CUX1: variants seen among roughly 807,000 people sequenced by gnomAD.
CUX1 encodes protein CASP.
CUX1 carries 31 observed loss-of-function variants against 158.8 expected under a neutral mutation model. The observed-to-expected ratio is 0.20, with a 90% CI of 0.15 to 0.26. The LOEUF is 0.26. Among genes scored for constraint, CUX1 ranks in the 10% least tolerant of loss-of-function variants. CUX1 has a pLI of 1.00. For synonymous variants in CUX1, 879 were observed against 862.1 expected, an observed-to-expected ratio of 1.02 and a Z score of -0.34; for missense variants, 1,589 against 2,014.6, an observed-to-expected ratio of 0.79 and a Z score of 4.04.
chr7:102,141,002 G>A (rs1409945335), intron 8 of CUX1, among the ~76,000 whole-genome samples: 1 of 152,044 alleles, frequency 6.6e-6, no homozygotes, highest in African/African-American at 2.4e-5. Flanking sequence ...GTATTTTAGT[G>A]ATTAGACAGG....
At chr7:102,062,358 C>A (rs1392629666) in intron 3 of CUX1, among the ~76,000 whole-genome samples, 1 of 152,212 alleles carries the variant, frequency 6.6e-6, no homozygotes, top group African/African-American at 2.4e-5. Context: ...CGTGCTGGCA[C>A]TCACATGGTT....
chr7:102,161,542 G>A (rs1259730187), intron 9 of CUX1, among the ~76,000 whole-genome samples: 2 of 152,218 alleles, frequency 1.3e-5, no homozygotes, highest in African/African-American at 4.8e-5. Flanking sequence ...TTTCTAGAAT[G>A]AAGGAGGTGG....
intron 8 of CUX1, among the ~76,000 whole-genome samples, chr7:102,139,817 A>T (rs74404105): frequency 4.1e-5 from 6 of 146,956 alleles, no homozygotes; most frequent in Admixed American, 1.4e-4. Context: ...ACACCCAGCT[A>T]TTTTTTTTTT....
Position 102,248,965 on chromosome 7 carries a change from G to A in CUX1, c.4441G>A (p.Ala1481Thr). ...SRDNPLRKKK[A>T]ANLNSIIHRL... ...CGACAACCCCCTGCGCAAGAAGAAG[G>A]CCGCGAACTTGAACAGCATCATCCA... The change falls in exon 24 of 24, where the codon GCC becomes ACC. Residue 1481 changes from alanine (A) to threonine (T), a missense_variant. Transcript: ENST00000292535. The surrounding 1 kb of genome is among the most constrained non-coding windows in gnomAD (Gnocchi z 5.8). 6.8e-7 allele frequency: 1 copy of A among 1,479,972 alleles called. No homozygotes were observed. 91.7% of individuals were successfully genotyped at this position (1,479,972 alleles called of 1,614,324 possible).
intron 3 of CUX1, among the ~76,000 whole-genome samples, chr7:102,033,328 T>C (rs1444184036): frequency 6.6e-6 from 1 of 150,504 alleles, no homozygotes; most frequent in African/African-American, 2.5e-5. Context: ...CAGAATAAGT[T>C]CAAATAGAAT....
intron 4 of CUX1, among the ~76,000 whole-genome samples, chr7:102,084,858 C>CTTTTTTTTT (rs60908109): frequency 1.4e-4 from 8 of 56,048 alleles, no homozygotes; most frequent in Admixed American, 2.9e-4. Flanking sequence ...ATTTTCCTTG[C>CTTTTTTTTT]TTTTTTTTTT....
intron 2 of CUX1, among the ~76,000 whole-genome samples, chr7:101,995,256 C>T (rs1815699497): frequency 6.6e-6 from 1 of 152,202 alleles, no homozygotes; most frequent in African/African-American, 2.4e-5. Flanking sequence ...GAGTCCCATC[C>T]AGGCCGCCAT....
In CUX1 at chr7:102,249,550, C is replaced by G; in HGVS notation, c.*508C>G. On this transcript the variant is annotated 3_prime_UTR_variant, in exon 24 of 24. Coordinates refer to ENST00000292535, the MANE Select transcript of CUX1 (RefSeq NM_181552.4). ...AACTCTTACAGCTTTGCCTTGTGTCCTCCTGTTCCGTGTGGGCTTTAAAAG... is the reference window on the plus strand; with the variant it reads ...AACTCTTACAGCTTTGCCTTGTGTCGTCCTGTTCCGTGTGGGCTTTAAAAG... 3 of 985,702 alleles carry G rather than the reference C, an allele frequency of 3.0e-6. No individual in the cohort carries two copies. Among genetic ancestry groups the G allele is most frequent in the Non-Finnish European group, 3.6e-6 (3 of 829,920 alleles). 61.1% of individuals were successfully genotyped at this position (985,702 alleles called of 1,614,324 possible). A position where few individuals can be genotyped will look rare whatever the true frequency, so the allele number is the denominator to read the frequency against.
intron 2 of CUX1, among the ~76,000 whole-genome samples, chr7:101,992,235 T>A (rs1482119355): frequency 6.6e-6 from 1 of 151,982 alleles, no homozygotes; most frequent in African/African-American, 2.4e-5. Flanking sequence ...TGGGACGGGG[T>A]TGGGGGGCAA....
At chr7:101,975,466 A>C (rs1330007393) in intron 2 of CUX1, among the ~76,000 whole-genome samples, 1 of 151,736 alleles carries the variant, frequency 6.6e-6, no homozygotes, top group African/African-American at 2.4e-5. Flanking sequence ...CTGAGGTGGG[A>C]GGATCACTTG....
At chr7:102,012,829 A>G (rs950606108) in intron 2 of CUX1, among the ~76,000 whole-genome samples, 3 of 152,194 alleles carry the variant, frequency 2.0e-5, no homozygotes, top group African/African-American at 7.2e-5. Context: ...TTAGCCGGTC[A>G]TGGAATTTCC....
chr7:102,250,615 T>TTCCAAACACCAA lies in CUX1; in HGVS notation c.*1573_*1574insTCCAAACACCAA. ...GCCCAAACTCACACCAAAACGTGGA[T>TTCCAAACACCAA]GCTCTTCAACTTCCAAACCTACCAT... On this transcript the variant is annotated 3_prime_UTR_variant, in exon 24 of 24. Coordinates refer to ENST00000292535, the MANE Select transcript of CUX1 (RefSeq NM_181552.4). 1 of 985,482 alleles carries TTCCAAACACCAA rather than the reference T, an allele frequency of 1.0e-6. No homozygotes were observed. Among genetic ancestry groups the TTCCAAACACCAA allele is most frequent in the Non-Finnish European group, 1.2e-6 (1 of 829,948 alleles). The allele number at this position is 985,482 out of a possible 1,614,324, so 61.0% of individuals were successfully genotyped here.
chr7:101,860,595 C>T (rs553891372), intron 1 of CUX1, among the ~76,000 whole-genome samples: 2 of 152,196 alleles, frequency 1.3e-5, no homozygotes, highest in Admixed American at 1.3e-4. Context: ...AGCCACTGCT[C>T]TTTTGTGAGC....
At chr7:102,127,081 G>A (rs1832721243) in intron 8 of CUX1, among the ~76,000 whole-genome samples, 1 of 152,240 alleles carries the variant, frequency 6.6e-6, no homozygotes, top group Non-Finnish European at 1.5e-5. Context: ...GCAATGGGGA[G>A]CAGCTGTAAA....
intron 3 of CUX1, among the ~76,000 whole-genome samples, chr7:102,066,253 A>G (rs554387746): frequency 6.6e-6 from 1 of 151,732 alleles, no homozygotes; most frequent in Admixed American, 6.6e-5. Flanking sequence ...GTGACATCCT[A>G]CCTGTCTACA....
At chr7:101,840,041 C>T (rs1040133297) in intron 1 of CUX1, among the ~76,000 whole-genome samples, 22 of 152,230 alleles carry the variant, frequency 1.4e-4, no homozygotes, top group African/African-American at 3.6e-4. Context: ...GGATTAGAGG[C>T]GTAAGCCACC....
intron 9 of CUX1, among the ~76,000 whole-genome samples, chr7:102,165,350 C>CTT (rs533978049): frequency 6.7e-4 from 71 of 105,346 alleles, no homozygotes; most frequent in African/African-American, 9.1e-4. Context: ...TAGGGGAAAG[C>CTT]TTTTTTTTTT....
chr7:102,212,515 CTT>C (rs1225458671), intron 20 of CUX1, among the ~76,000 whole-genome samples: 2 of 152,220 alleles, frequency 1.3e-5, no homozygotes, highest in East Asian at 1.9e-4. Flanking sequence ...ATTTATTTGA[CTT>C]TTTTGTTTTT....
intron 8 of CUX1, among the ~76,000 whole-genome samples, chr7:102,152,161 G>T (rs1347271161): frequency 2.0e-5 from 3 of 152,136 alleles, no homozygotes; most frequent in African/African-American, 7.2e-5. Flanking sequence ...GGGAAGCATT[G>T]TAAGACCCCT....
Sources: allele counts gnomAD v4.1 joint callset (sites outside exome capture counted in the v4.1 genomes callset), GRCh38; gene constraint gnomAD v4.1.1; non-coding constraint Gnocchi (gnomAD v3.1); transcripts MANE v1.5; gene names NCBI Gene and HGNC (gene_info 2026-07-23, HGNC 2026-07-21).